Variants in FUT8 observed in about 807,000 individuals in gnomAD.
FUT8 encodes the protein fucosyltransferase 8.
Under a neutral mutation model 71.3 loss-of-function variants are expected in FUT8, and 29 were observed. The ratio of observed to expected loss-of-function variants is 0.41; its 90% confidence interval spans 0.30 to 0.55. The LOEUF is 0.55. Ranked by LOEUF, FUT8 falls within the 20% of genes least tolerant of loss-of-function variation. FUT8 has a pLI of 0.34. For synonymous variants in FUT8, 254 were observed against 239.3 expected, an observed-to-expected ratio of 1.06 and a Z score of -0.57; for missense variants, 544 against 702.1, an observed-to-expected ratio of 0.77 and a Z score of 2.55.
chr14:65,619,046 C>T (rs948527601), intron 5 of FUT8, among the ~76,000 whole-genome samples: 4 of 152,058 alleles, frequency 2.6e-5, no homozygotes, highest in African/African-American at 7.2e-5. Flanking sequence ...ACTGAGAGGT[C>T]TGGGCTAATT....
chr14:65,429,861 CAAAAAAAAAAAAAA>C (rs58941594), intron 1 of FUT8, among the ~76,000 whole-genome samples: 3,452 of 81,184 alleles, frequency 0.043, 164 homozygotes, highest in African/African-American at 0.16. Context: ...GAGACTGTCT[CAAAAAAAAAAAAAA>C]AAAAAAAAAA....
At chr14:65,684,717 TC>T (rs1240411745) in intron 7 of FUT8, among the ~76,000 whole-genome samples, 7 of 152,144 alleles carry the variant, frequency 4.6e-5, no homozygotes, top group Non-Finnish European at 1.0e-4. Context: ...CTCACACACT[TC>T]GTAAGCATCT....
At chr14:65,412,310 G>A (rs1566730878), upstream of FUT8, 1 of 456,556 alleles carries the variant, frequency 2.2e-6, no homozygotes, top group African/African-American at 2.0e-5. Flanking sequence ...AAGTAGCAAG[G>A]AGCCAGCTTC....
intron 1 of FUT8, among the ~76,000 whole-genome samples, chr14:65,431,861 CA>C (rs1204145345): frequency 6.6e-6 from 1 of 152,072 alleles, no homozygotes; most frequent in African/African-American, 2.4e-5. Context: ...ACTCTTTTAT[CA>C]TTTTTATTTT....
chr14:65,425,899 C>T (rs987790600), intron 1 of FUT8, among the ~76,000 whole-genome samples: 2 of 151,826 alleles, frequency 1.3e-5, no homozygotes, highest in Non-Finnish European at 2.9e-5. Flanking sequence ...ATTGCTTGAA[C>T]CTGAAAGACG....
intron 2 of FUT8, among the ~76,000 whole-genome samples, chr14:65,484,431 AG>A (rs1477131028): frequency 2.0e-5 from 3 of 152,112 alleles, no homozygotes; most frequent in Non-Finnish European, 4.4e-5. Context: ...GTTTGGGTAA[AG>A]TGTAAAAGAA....
At chr14:65,552,378 A>G (rs963991839) in intron 2 of FUT8, among the ~76,000 whole-genome samples, 1 of 152,184 alleles carries the variant, frequency 6.6e-6, no homozygotes, top group Non-Finnish European at 1.5e-5. Flanking sequence ...ATTTTATGTA[A>G]TAGAAATTGA....
chr14:65,407,533 C>A (rs2065092534), upstream of FUT8, among the ~76,000 whole-genome samples: 1 of 152,158 alleles, frequency 6.6e-6, no homozygotes, highest in African/African-American at 2.4e-5. Flanking sequence ...GAACTCCTGG[C>A]CTCAAGTGAT....
intron 2 of FUT8, among the ~76,000 whole-genome samples, chr14:65,514,509 C>G (rs1882574967): frequency 6.6e-6 from 1 of 152,176 alleles, no homozygotes; most frequent in Non-Finnish European, 1.5e-5. Flanking sequence ...CTGCTATGGC[C>G]ATTTAATTTT....
the FUT8 span, among the ~76,000 whole-genome samples, chr14:65,393,247 G>A: frequency 6.6e-6 from 1 of 152,182 alleles, no homozygotes; most frequent in Non-Finnish European, 1.5e-5. Context: ...CCTAGATGGA[G>A]GTGGCTTTAT....
chr14:65,691,911 G>A (rs1056838873), intron 7 of FUT8, among the ~76,000 whole-genome samples: 8 of 152,212 alleles, frequency 5.3e-5, no homozygotes, highest in African/African-American at 1.9e-4. Context: ...AGAGCACTGG[G>A]TTGGGGGTAA....
At chr14:65,527,593 C>G (rs1324992818) in intron 2 of FUT8, among the ~76,000 whole-genome samples, 1 of 152,062 alleles carries the variant, frequency 6.6e-6, no homozygotes, top group African/African-American at 2.4e-5. Flanking sequence ...CAGCTTTGTT[C>G]TGTTGCTGGC....
intron 6 of FUT8, among the ~76,000 whole-genome samples, chr14:65,666,115 G>A (rs1892201545): frequency 6.6e-6 from 1 of 151,814 alleles, no homozygotes; most frequent in Non-Finnish European, 1.5e-5. Flanking sequence ...TGTTAAAAAA[G>A]AGAAGTGAAA....
chr14:65,655,374 G>A (rs1891622809), intron 6 of FUT8, among the ~76,000 whole-genome samples: 1 of 151,460 alleles, frequency 6.6e-6, no homozygotes, highest in Admixed American at 6.6e-5. Context: ...TACTCGGGAG[G>A]CTGTGGCAGG....
rs566883253 is a variant in FUT8 at position 65,566,584 on chromosome 14, A to T, written c.203+4818A>T. 2.3e-4 allele frequency among the ~76,000 whole-genome samples: 35 copies of T among 152,086 alleles called. 2 individuals carry two copies. In the South Asian group the frequency reaches 6.8e-3, roughly 30 times the overall value. ...GAGGAAGATTTAGATTTTCAGGTGG[A>T]TTTGGTGCATGTGCCAGATTGGAGT... On this transcript the variant is annotated intron_variant, in intron 3 of 10. Transcript: ENST00000673929.
chr14:65,670,218 T>C (rs994948230), intron 7 of FUT8, among the ~76,000 whole-genome samples: 1 of 152,206 alleles, frequency 6.6e-6, no homozygotes, highest in Non-Finnish European at 1.5e-5. Context: ...AGTGCTTTTC[T>C]TTCTACAATC....
chr14:65,625,697 G>GAACT (rs780416296), intron 5 of FUT8, among the ~76,000 whole-genome samples: 3 of 152,156 alleles, frequency 2.0e-5, no homozygotes, highest in Non-Finnish European at 4.4e-5. Flanking sequence ...TTCACAAATG[G>GAACT]AACTGTTGTT....
intron 1 of FUT8, among the ~76,000 whole-genome samples, chr14:65,438,507 A>T (rs1046958325): frequency 1.3e-5 from 2 of 152,204 alleles, no homozygotes; most frequent in Non-Finnish European, 2.9e-5. Flanking sequence ...CTGCCAACTT[A>T]GATCATGAGG....
At chr14:65,671,480 A>C (rs1402276551) in intron 7 of FUT8, among the ~76,000 whole-genome samples, 1 of 152,172 alleles carries the variant, frequency 6.6e-6, no homozygotes, top group Admixed American at 6.5e-5. Context: ...TGACTTACCC[A>C]GGGTCATACA....
Sources: gnomAD v4.1 joint callset for allele counts (sites outside exome capture counted in the v4.1 genomes callset) on GRCh38, gnomAD v4.1.1 for gene constraint, MANE v1.5 for transcripts, NCBI Gene and HGNC (gene_info 2026-07-23, HGNC 2026-07-21) for gene names.